Variants in NRXN1 observed in about 807,000 individuals in gnomAD.
The protein encoded by NRXN1 is neurexin-1.
Under a neutral mutation model 150.9 loss-of-function variants are expected in NRXN1, and 39 were observed. That is an observed-to-expected ratio of 0.26 (90% CI 0.20 to 0.34). The LOEUF is 0.34. Among genes scored for constraint, NRXN1 ranks in the 10% least tolerant of loss-of-function variants. The probability of loss-of-function intolerance (pLI) is 1.00; values close to 1 mark genes in which losing one functional copy is unlikely to be tolerated. For synonymous variants in NRXN1, 924 were observed against 757.0 expected (o/e 1.22, Z -3.62); for missense variants, 1,815 against 1,949.9 (o/e 0.93, Z 1.30).
chr2:49,919,871 C>A lies in NRXN1; in HGVS notation c.*2073G>T, dbSNP rs1437503298. ...TTCTAAGGTGCTGTATGTCTGAAAT[C>A]CAGGCCACTTCTTGGCTTTTTTTTC... On this transcript the variant is annotated 3_prime_UTR_variant, in exon 23 of 23. Coordinates refer to ENST00000401669, the MANE Select transcript of NRXN1 (RefSeq NM_001330078.2). 1 of 152,080 alleles carries A rather than the reference C, an allele frequency of 6.6e-6. No individual in the cohort carries two copies. The highest frequency in any genetic ancestry group is 1.5e-5 in the Non-Finnish European group (1 of 67,964). 9.4% of individuals were successfully genotyped at this position (152,080 alleles called of 1,614,324 possible).
intron 5 of NRXN1, among the ~76,000 whole-genome samples, chr2:50,824,713 A>G (rs1045292312): frequency 1.3e-5 from 2 of 152,148 alleles, no homozygotes; most frequent in Non-Finnish European, 2.9e-5. Flanking sequence ...GGGCCCAGAA[A>G]AAAATACCCA....
At chr2:50,306,627 C>T (rs2074635257) in intron 17 of NRXN1, among the ~76,000 whole-genome samples, 1 of 152,188 alleles carries the variant, frequency 6.6e-6, no homozygotes, top group South Asian at 2.1e-4. Flanking sequence ...GAAACATTTA[C>T]ATTTTTTTAT....
intron 2 of NRXN1, among the ~76,000 whole-genome samples, chr2:51,010,532 T>A (rs1322516354): frequency 6.6e-6 from 1 of 152,032 alleles, no homozygotes; most frequent in Non-Finnish European, 1.5e-5. Flanking sequence ...TCCATTTACT[T>A]GTTTTCACTA....
At chr2:50,519,118 C>T (rs996671363) in intron 12 of NRXN1, among the ~76,000 whole-genome samples, 5 of 151,766 alleles carry the variant, frequency 3.3e-5, no homozygotes, top group Admixed American at 2.0e-4. Context: ...TGTTTCTTTA[C>T]ATAATGATTG....
intron 17 of NRXN1, among the ~76,000 whole-genome samples, chr2:50,251,430 T>C (rs976531170): frequency 1.4e-4 from 22 of 152,272 alleles, no homozygotes; most frequent in Non-Finnish European, 1.9e-4. Flanking sequence ...CGGTCTATCA[T>C]TGATGGGCAT....
intron 21 of NRXN1, among the ~76,000 whole-genome samples, chr2:49,995,201 A>AG (rs1228344818): frequency 6.6e-6 from 1 of 152,258 alleles, no homozygotes; most frequent in East Asian, 1.9e-4. Flanking sequence ...TCAGTAGAGG[A>AG]GAAAAATGAG....
chr2:50,258,957 T>G (rs1574792152), intron 17 of NRXN1, among the ~76,000 whole-genome samples: 1 of 152,182 alleles, frequency 6.6e-6, no homozygotes, highest in East Asian at 1.9e-4. Context: ...TAAATCATGC[T>G]GTAAACAGCA....
At chr2:50,888,872 T>C (rs1374534814) in intron 5 of NRXN1, among the ~76,000 whole-genome samples, 1 of 151,646 alleles carries the variant, frequency 6.6e-6, no homozygotes, top group South Asian at 2.1e-4. Context: ...TTTAACCTGA[T>C]GGATTTGATA....
chr2:50,261,176 T>G (rs1262278660), intron 17 of NRXN1, among the ~76,000 whole-genome samples: 1 of 151,702 alleles, frequency 6.6e-6, no homozygotes, highest in Non-Finnish European at 1.5e-5. Flanking sequence ...CCTCACTAAC[T>G]CTGAAGCCCC....
intron 2 of NRXN1, among the ~76,000 whole-genome samples, chr2:50,991,690 G>A (rs552103115): frequency 6.6e-6 from 1 of 152,098 alleles, no homozygotes; most frequent in South Asian, 2.1e-4. Flanking sequence ...AAAATAGTCT[G>A]ACATCATGTA....
At chr2:50,209,345 A>T (rs1250302567) in intron 18 of NRXN1, among the ~76,000 whole-genome samples, 1 of 152,180 alleles carries the variant, frequency 6.6e-6, no homozygotes, top group East Asian at 1.9e-4. Flanking sequence ...AAATAATAAC[A>T]GTTACCATTT....
intron 21 of NRXN1, among the ~76,000 whole-genome samples, chr2:49,989,015 AG>A (rs2152517775): frequency 6.6e-6 from 1 of 152,332 alleles, no homozygotes; most frequent in African/African-American, 2.4e-5. Context: ...TGTGGCAGCC[AG>A]ACTCTAGATT....
chr2:50,527,189 G>T (rs2092976551), intron 12 of NRXN1, among the ~76,000 whole-genome samples: 1 of 152,180 alleles, frequency 6.6e-6, no homozygotes, highest in South Asian at 2.1e-4. Context: ...GATTTTCTAA[G>T]ATGCAGGAGG....
intron 16 of NRXN1, among the ~76,000 whole-genome samples, chr2:50,471,822 A>C (rs2104701263): frequency 6.6e-6 from 1 of 151,884 alleles, no homozygotes; most frequent in East Asian, 1.9e-4. Context: ...CTGTACAAAA[A>C]ACCCCTATGA....
At chr2:50,590,630 G>A (rs1287224939) in intron 8 of NRXN1, among the ~76,000 whole-genome samples, 1 of 152,040 alleles carries the variant, frequency 6.6e-6, no homozygotes, top group Admixed American at 6.6e-5. Context: ...AGCTCATGAG[G>A]GTGAAGACTC....
rs1677066665 is a variant in NRXN1, at chr2:50,867,193, T to C, written c.832+54676A>G. Among the ~76,000 whole-genome samples, 4 of 151,874 alleles carry C rather than the reference T, an allele frequency of 2.6e-5. No homozygotes were observed. In the South Asian group the frequency reaches 6.2e-4, roughly 24 times the overall value. On this transcript the variant is annotated intron_variant, in intron 5 of 22. Coordinates refer to ENST00000401669, the MANE Select transcript of NRXN1 (RefSeq NM_001330078.2). The stretch of plus-strand genomic sequence containing the variant: ...AACAGATACAGAATATATTCTTCTT[T>C]AAACATTTCTAAGGGCCCTCTTCCC...
At chr2:50,396,871 G>C (rs1177945202) in intron 17 of NRXN1, among the ~76,000 whole-genome samples, 3 of 152,090 alleles carry the variant, frequency 2.0e-5, no homozygotes, top group South Asian at 2.1e-4. Flanking sequence ...ATTTTACATA[G>C]AAGACGAGTA....
chr2:50,490,218 T>C (rs1323991705), intron 15 of NRXN1, among the ~76,000 whole-genome samples: 5 of 152,206 alleles, frequency 3.3e-5, no homozygotes, highest in East Asian at 1.9e-4. Context: ...ATCCATCCCA[T>C]TGAAGCCAAA....
At position 50,761,544 on chromosome 2, in the gene NRXN1, C is replaced by G. The variant is rs1183734483; in HGVS notation, c.833-137929G>C. Among the ~76,000 whole-genome samples, 4 of 151,922 alleles carry G rather than the reference C, an allele frequency of 2.6e-5. No homozygotes were observed. The East Asian group carries it at 7.8e-4, about 30-fold the overall frequency. On this transcript the variant is annotated intron_variant, in intron 5 of 22. Transcript: ENST00000401669. ...TTGTGAGTTCATTAAGCCTCTTTCT[C>G]TTTATAAATTACCCAGACTTGGGTA...
Sources: gnomAD v4.1 joint callset for allele counts (sites outside exome capture counted in the v4.1 genomes callset) on GRCh38, gnomAD v4.1.1 for gene constraint, MANE v1.5 for transcripts, NCBI Gene and HGNC (gene_info 2026-07-23, HGNC 2026-07-21) for gene names.